Variants in ASTN2 observed in about 807,000 individuals in gnomAD.
The protein encoded by ASTN2 is astrotactin-2.
ASTN2 carries 54 observed loss-of-function variants against 139.8 expected under a neutral mutation model. The ratio of observed to expected loss-of-function variants is 0.39; its 90% CI spans 0.31 to 0.48. The LOEUF (loss-of-function observed/expected upper bound fraction) is 0.48, where lower values mean the gene tolerates loss of function less well. Among genes scored for constraint, ASTN2 ranks in the 20% least tolerant of loss-of-function variants. The pLI is 0.95. For synonymous variants in ASTN2, 756 were observed against 719.5 expected, an observed-to-expected ratio of 1.05 and a Z score of -0.81; for missense variants, 1,565 against 1,725.1, an observed-to-expected ratio of 0.91 and a Z score of 1.64.
intron 5 of ASTN2, among the ~76,000 whole-genome samples, chr9:117,044,543 G>C (rs1035613639): frequency 6.6e-6 from 1 of 152,188 alleles, no homozygotes; most frequent in Non-Finnish European, 1.5e-5. Flanking sequence ...CATTTAGTAA[G>C]TAAGGGTTGT....
chr9:117,130,097 A>C lies in ASTN2; in HGVS notation c.1168+11229T>G, dbSNP rs1485334873. ...CAAGGTGAGCAGATCCCTTGAGCTCAGGAATTCAAGACTAGCCTGGGCAGC... is the reference window on the plus strand; with the variant it reads ...CAAGGTGAGCAGATCCCTTGAGCTCCGGAATTCAAGACTAGCCTGGGCAGC... On this transcript the variant is annotated intron_variant, in intron 4 of 22. Transcript: ENST00000313400. Among the ~76,000 whole-genome samples, 10 of 152,290 alleles carry C rather than the reference A, an allele frequency of 6.6e-5. 1 individual carries two copies. The East Asian group carries it at 1.9e-3, about 30-fold the overall frequency.
rs575931514 is a variant in ASTN2 at position 117,060,344 on chromosome 9, GAGAAAGAAAGAAAGAAAGAA to G, written c.1277-20399_1277-20380del. ...AAAGAAAGAAAGAAAGAAAGAAAGAGAGAAAGAAAGAAAGAAAGAAAGAAAGAAAGAAAGAAAGAAAGAAA... is the reference window on the plus strand; with the variant it reads ...AAAGAAAGAAAGAAAGAAAGAAAGAGAGAAAGAAAGAAAGAAAGAAAGAAA... On this transcript the variant is annotated intron_variant, in intron 5 of 22. Coordinates refer to ENST00000313400, the MANE Select transcript of ASTN2 (RefSeq NM_001365068.1). 8.7e-4 allele frequency among the ~76,000 whole-genome samples: 51 copies of G among 58,936 alleles called. 1 individual carries two copies. The highest frequency in any genetic ancestry group is 3.2e-3 in the African/African-American group (40 of 12,518). 38.7% of individuals were successfully genotyped at this position (58,936 alleles called of 152,430 possible).
rs571113647 is a variant in ASTN2, at chr9:117,368,010, T to C, written c.442+46487A>G. Among the ~76,000 whole-genome samples the C allele has an allele frequency of 2.0e-5, 3 of 152,166 alleles. No homozygotes were observed. The Middle Eastern group carries it at 0.01, about 521-fold the overall frequency. On this transcript the variant is annotated intron_variant, in intron 1 of 22. Coordinates refer to ENST00000313400, the MANE Select transcript of ASTN2 (RefSeq NM_001365068.1). ...TTGCAGCTCCTTAGTTTCTTGCTTGTAAATAGAATGCCAATCCCAGGTCCC... is the reference window on the plus strand; with the variant it reads ...TTGCAGCTCCTTAGTTTCTTGCTTGCAAATAGAATGCCAATCCCAGGTCCC...
chr9:116,806,776 A>T (rs953950738), intron 12 of ASTN2, among the ~76,000 whole-genome samples: 2 of 152,320 alleles, frequency 1.3e-5, no homozygotes, highest in African/African-American at 4.8e-5. Context: ...ATAAGGTCAC[A>T]TGATACATTG....
At chr9:116,659,032 C>A (rs114527412) in intron 16 of ASTN2, among the ~76,000 whole-genome samples, 24 of 152,084 alleles carry the variant, frequency 1.6e-4, no homozygotes, top group African/African-American at 5.5e-4. Context: ...GGAAAATTAT[C>A]CCAGTAAACA....
At chr9:116,439,161 T>G (rs974914773) in intron 22 of ASTN2, among the ~76,000 whole-genome samples, 1 of 151,600 alleles carries the variant, frequency 6.6e-6, no homozygotes, top group Non-Finnish European at 1.5e-5. Context: ...GTTTTCCCTT[T>G]ACAAGATGAT....
chr9:116,760,167 A>G (rs1363698154), intron 13 of ASTN2, among the ~76,000 whole-genome samples: 1 of 152,226 alleles, frequency 6.6e-6, no homozygotes, highest in Non-Finnish European at 1.5e-5. Context: ...CAGGTAGAAC[A>G]TCCCAGGTGA....
chr9:117,281,223 C>T (rs943270426), intron 2 of ASTN2, among the ~76,000 whole-genome samples: 1 of 152,144 alleles, frequency 6.6e-6, no homozygotes, highest in African/African-American at 2.4e-5. Flanking sequence ...ATCACTTATT[C>T]CTCCCCTCAG....
intron 1 of ASTN2, among the ~76,000 whole-genome samples, chr9:117,384,701 C>T (rs1359713390): frequency 2.0e-5 from 3 of 152,184 alleles, no homozygotes; most frequent in Admixed American, 6.5e-5. Flanking sequence ...CTGATCTCAT[C>T]TGCTAAGACT....
At chr9:117,290,616 C>T (rs1262099388) in intron 2 of ASTN2, among the ~76,000 whole-genome samples, 1 of 152,134 alleles carries the variant, frequency 6.6e-6, no homozygotes, top group Non-Finnish European at 1.5e-5. Flanking sequence ...CAGTATAGTG[C>T]TTAACAAATG....
At chr9:116,908,437 A>G (rs1280304620) in intron 10 of ASTN2, among the ~76,000 whole-genome samples, 1 of 152,172 alleles carries the variant, frequency 6.6e-6, no homozygotes, top group Non-Finnish European at 1.5e-5. Context: ...CTGCCAGACA[A>G]TTGACTCAAT....
intron 17 of ASTN2, among the ~76,000 whole-genome samples, chr9:116,632,185 G>GAGAGAGAGAGAGAGAGAGAGA (rs1564168833): frequency 4.1e-5 from 2 of 48,708 alleles, no homozygotes; most frequent in South Asian, 1.1e-3. Flanking sequence ...AGAGAGAGAG[G>GAGAGAGAGAGAGAGAGAGAGA]GAGAGAGAGA....
At chr9:117,328,527 T>A (rs1828595536) in intron 1 of ASTN2, among the ~76,000 whole-genome samples, 1 of 152,192 alleles carries the variant, frequency 6.6e-6, no homozygotes. Flanking sequence ...TTCATTATTA[T>A]AATTACTGAG....
At chr9:116,807,847 C>T (rs1480179386) in intron 12 of ASTN2, among the ~76,000 whole-genome samples, 1 of 151,918 alleles carries the variant, frequency 6.6e-6, no homozygotes. Context: ...CGCAGTGGCT[C>T]ACGCCTGTAA....
intron 13 of ASTN2, among the ~76,000 whole-genome samples, chr9:116,735,124 T>A (rs1828892681): frequency 6.6e-6 from 1 of 152,214 alleles, no homozygotes; most frequent in Non-Finnish European, 1.5e-5. Context: ...CCAGGTCTGG[T>A]TGGGCCTAAG....
At chr9:116,458,879 A>G (rs1848406691) in intron 20 of ASTN2, among the ~76,000 whole-genome samples, 1 of 152,014 alleles carries the variant, frequency 6.6e-6, no homozygotes, top group Non-Finnish European at 1.5e-5. Flanking sequence ...ATATCCGATG[A>G]TTTGTTTTAC....
intron 16 of ASTN2, chr9:116,687,360 C>T (rs538918400): frequency 1.7e-5 from 9 of 531,106 alleles, no homozygotes; most frequent in Non-Finnish European, 1.9e-5. Context: ...GCGGTGGACT[C>T]GTCGGAGCCG....
chr9:117,135,639 A>G (rs1267211964), intron 4 of ASTN2, among the ~76,000 whole-genome samples: 1 of 152,230 alleles, frequency 6.6e-6, no homozygotes, highest in Non-Finnish European at 1.5e-5. Context: ...TATTTACGAC[A>G]GACTGCAATA....
At chr9:116,489,831 A>C (rs1849456739) in intron 19 of ASTN2, among the ~76,000 whole-genome samples, 1 of 152,158 alleles carries the variant, frequency 6.6e-6, no homozygotes, top group South Asian at 2.1e-4. Context: ...CACGAAGACA[A>C]TACATGGTTC....
Sources: gnomAD v4.1 joint callset for allele counts (sites outside exome capture counted in the v4.1 genomes callset) on GRCh38, gnomAD v4.1.1 for gene constraint, MANE v1.5 for transcripts, NCBI Gene and HGNC (gene_info 2026-07-23, HGNC 2026-07-21) for gene names.